The following ALG14 variants were observed in gnomAD, a reference collection of about 807,000 sequenced individuals.
ALG14 encodes UDP-N-acetylglucosamine transferase subunit ALG14.
A neutral mutation model predicts 22.8 loss-of-function variants in ALG14; 17 were observed. The observed-to-expected ratio is 0.75, with a 90% CI of 0.51 to 1.12. The LOEUF (loss-of-function observed/expected upper bound fraction) is 1.12, where lower values mean the gene tolerates loss of function less well. Among genes scored for constraint, ALG14 ranks in the 50% most tolerant of loss-of-function variants. The probability of loss-of-function intolerance (pLI) is 0.00; values close to 1 mark genes in which losing one functional copy is unlikely to be tolerated. For missense variants in ALG14, 288 were observed against 271.8 expected (o/e 1.06, Z -0.42); for synonymous variants, 89 against 103.7 (o/e 0.86, Z 0.86).
intron 2 of ALG14, among the ~76,000 whole-genome samples, chr1:95,052,859 A>G (rs1358236687): frequency 1.5e-4 from 4 of 27,286 alleles, no homozygotes; most frequent in South Asian, 2.2e-3. Flanking sequence ...TGCATCTCGA[A>G]AAAAAAAAAA....
chr1:94,992,691 T>A (rs1314235513), intron 3 of ALG14, among the ~76,000 whole-genome samples: 1 of 152,116 alleles, frequency 6.6e-6, no homozygotes, highest in African/African-American at 2.4e-5. Flanking sequence ...ACAGAATTGG[T>A]CCTGCCAGTT....
chr1:95,010,760 A>G (rs1388007057), intron 3 of ALG14, among the ~76,000 whole-genome samples: 5 of 152,230 alleles, frequency 3.3e-5, no homozygotes, highest in Non-Finnish European at 5.9e-5. Context: ...GGATTTAGAA[A>G]ATACCACAAA....
chr1:95,004,253 G>A (rs1416458627), intron 3 of ALG14, among the ~76,000 whole-genome samples: 2 of 132,502 alleles, frequency 1.5e-5, no homozygotes, highest in East Asian at 2.2e-4. Context: ...ACAGCGTCTC[G>A]CTCTATCACC....
intron 2 of ALG14, among the ~76,000 whole-genome samples, chr1:95,033,598 T>G (rs1455200110): frequency 6.6e-6 from 1 of 151,964 alleles, no homozygotes; most frequent in Non-Finnish European, 1.5e-5. Flanking sequence ...AAGGTAGAAA[T>G]CAACAAATCA....
At chr1:94,999,796 T>C (rs1673010182) in intron 3 of ALG14, among the ~76,000 whole-genome samples, 1 of 152,234 alleles carries the variant, frequency 6.6e-6, no homozygotes, top group African/African-American at 2.4e-5. Flanking sequence ...TCTCCTACTA[T>C]GATACATTTC....
intron 1 of ALG14, among the ~76,000 whole-genome samples, chr1:95,068,587 G>C (rs866484562): frequency 2.6e-5 from 4 of 152,216 alleles, no homozygotes; most frequent in South Asian, 4.2e-4. Context: ...ACAGTGCCTG[G>C]CCTACTAATA....
intron 3 of ALG14, among the ~76,000 whole-genome samples, chr1:95,012,074 T>C (rs1673379575): frequency 6.6e-6 from 1 of 152,210 alleles, no homozygotes; most frequent in Admixed American, 6.5e-5. Context: ...GTTTCCCCTT[T>C]GGCTTGACTC....
At chr1:95,026,174 C>T (rs574018762) in intron 3 of ALG14, among the ~76,000 whole-genome samples, 3 of 152,160 alleles carry the variant, frequency 2.0e-5, no homozygotes, top group South Asian at 2.1e-4. Flanking sequence ...CCTTGTGATC[C>T]GCCTGCCTCG....
intron 2 of ALG14, among the ~76,000 whole-genome samples, chr1:95,038,806 C>T (rs944349423): frequency 6.6e-6 from 1 of 150,558 alleles, no homozygotes; most frequent in Non-Finnish European, 1.5e-5. Flanking sequence ...GCATCCTTGA[C>T]CTCCTGGGCT....
chr1:94,997,592 C>G (rs1672941388), intron 3 of ALG14, among the ~76,000 whole-genome samples: 2 of 152,194 alleles, frequency 1.3e-5, no homozygotes, highest in Non-Finnish European at 1.5e-5. Context: ...GGCTCTACCA[C>G]TTCCTGCCTG....
chr1:95,027,061 A>C, intron 3 of ALG14, 68 bp downstream of exon 3: 1 of 1,564,914 alleles, frequency 6.4e-7, no homozygotes, highest in Admixed American at 1.8e-5. Context: ...AGAAAACAGT[A>C]TGTCCTGTTA....
rs1672432956 is a variant in ALG14 at position 94,978,272 on chromosome 1, A to G, written c.*4804T>C. On this transcript the variant is annotated 3_prime_UTR_variant, in exon 4 of 4. Transcript: ENST00000370205. ...GAGATGGGGTTTCACCATCTTGGCCAGGCTGGTCTTGAACTCCTGACCTTG... is the reference window on the plus strand; with the variant it reads ...GAGATGGGGTTTCACCATCTTGGCCGGGCTGGTCTTGAACTCCTGACCTTG... The G allele has an allele frequency of 6.6e-6, 1 of 151,344 alleles. No individual in the cohort carries two copies. The highest frequency in any genetic ancestry group is 1.5e-5 in the Non-Finnish European group (1 of 67,848). 9.4% of individuals were successfully genotyped at this position (151,344 alleles called of 1,614,324 possible). A position where few individuals can be genotyped will look rare whatever the true frequency, so the allele number is the denominator to read the frequency against.
At chr1:94,987,335 T>C (rs1284089283) in intron 3 of ALG14, among the ~76,000 whole-genome samples, 2 of 152,214 alleles carry the variant, frequency 1.3e-5, no homozygotes, top group African/African-American at 4.8e-5. Context: ...CAGCCCTTTG[T>C]TTTGTTCAAC....
chr1:95,038,718 T>G (rs1240341318), intron 2 of ALG14, among the ~76,000 whole-genome samples: 1 of 120,886 alleles, frequency 8.3e-6, no homozygotes, highest in East Asian at 2.0e-4. Context: ...ACTATAAGGT[T>G]TTTTTTTTTT....
At chr1:95,010,976 T>C (rs986483169) in intron 3 of ALG14, among the ~76,000 whole-genome samples, 1 of 152,262 alleles carries the variant, frequency 6.6e-6, no homozygotes, top group South Asian at 2.1e-4. Context: ...TTGAATAAAG[T>C]CAGAAGAAAC....
chr1:95,013,716 T>C (rs971123377), intron 3 of ALG14, among the ~76,000 whole-genome samples: 6 of 152,216 alleles, frequency 3.9e-5, no homozygotes, highest in African/African-American at 1.4e-4. Context: ...AAATCTGTAC[T>C]GACTCTGCAG....
At chr1:95,050,253 A>G (rs570950160) in intron 2 of ALG14, among the ~76,000 whole-genome samples, 7 of 152,364 alleles carry the variant, frequency 4.6e-5, no homozygotes, top group African/African-American at 1.7e-4. Flanking sequence ...AGTCCGAAAA[A>G]AATTAAATTA....
At chr1:95,061,582 C>T (rs1675153858) in intron 2 of ALG14, 1 of 152,212 alleles carries the variant, frequency 6.6e-6, no homozygotes, top group African/African-American at 2.4e-5. Context: ...AGAAAAGAAC[C>T]ACCAATCCAG....
At chr1:95,056,209 C>T (rs1429473639) in intron 2 of ALG14, among the ~76,000 whole-genome samples, 1 of 152,000 alleles carries the variant, frequency 6.6e-6, no homozygotes, top group Non-Finnish European at 1.5e-5. Flanking sequence ...AAAAACTTCA[C>T]GTATCAGTGG....
Sources: allele counts gnomAD v4.1 joint callset (sites outside exome capture counted in the v4.1 genomes callset), GRCh38; gene constraint gnomAD v4.1.1; transcripts MANE v1.5; gene names NCBI Gene and HGNC (gene_info 2026-07-23, HGNC 2026-07-21).